AMBRA1: variants seen among roughly 807,000 people sequenced by gnomAD.
The protein encoded by AMBRA1 is activating molecule in BECN1-regulated autophagy protein 1.
Under a neutral mutation model 125.4 loss-of-function variants are expected in AMBRA1, and 47 were observed. That is an observed-to-expected ratio of 0.37 (90% confidence interval 0.30 to 0.48). The LOEUF (loss-of-function observed/expected upper bound fraction) is 0.48, where lower values mean the gene tolerates loss of function less well. Among genes scored for constraint, AMBRA1 ranks in the 20% least tolerant of loss-of-function variants. AMBRA1 has a pLI of 0.99. For synonymous variants in AMBRA1, 626 were observed against 655.5 expected, an observed-to-expected ratio of 0.95 and a Z score of 0.69; for missense variants, 1,331 against 1,693.4, an observed-to-expected ratio of 0.79 and a Z score of 3.76.
At chr11:46,495,560 C>G (rs1303413890) in intron 9 of AMBRA1, 1 of 152,056 alleles carries the variant, frequency 6.6e-6, no homozygotes, top group African/African-American at 2.4e-5. Flanking sequence ...TGAAATTGTG[C>G]AGATGAAAGG....
intron 9 of AMBRA1, among the ~76,000 whole-genome samples, chr11:46,505,643 T>G: frequency 7.7e-6 from 1 of 130,234 alleles, no homozygotes. Flanking sequence ...AAGAAGGAAA[T>G]GTAAATTCAG....
chr11:46,449,420 A>C (rs1948465100), intron 11 of AMBRA1, among the ~76,000 whole-genome samples: 1 of 152,184 alleles, frequency 6.6e-6, no homozygotes, highest in Non-Finnish European at 1.5e-5. Context: ...AAAATACACC[A>C]CCACTTACAT....
intron 11 of AMBRA1, among the ~76,000 whole-genome samples, chr11:46,447,692 A>G (rs954110557): frequency 6.6e-6 from 1 of 151,876 alleles, no homozygotes; most frequent in Non-Finnish European, 1.5e-5. Context: ...CCTGGGTTAC[A>G]GAGCCAGACC....
chr11:46,580,574 CCTT>C (rs2044134967), intron 1 of AMBRA1, among the ~76,000 whole-genome samples: 1 of 152,166 alleles, frequency 6.6e-6, no homozygotes, highest in African/African-American at 2.4e-5. Flanking sequence ...ATACTTGACA[CCTT>C]CTTCTTCCCA....
At chr11:46,495,752 T>C (rs919419393) in intron 9 of AMBRA1, among the ~76,000 whole-genome samples, 1 of 152,212 alleles carries the variant, frequency 6.6e-6, no homozygotes, top group African/African-American at 2.4e-5. Context: ...ATACTATTAT[T>C]TTTCAAATAT....
At chr11:46,590,264 C>A (rs1310211202) in intron 1 of AMBRA1, among the ~76,000 whole-genome samples, 1 of 151,666 alleles carries the variant, frequency 6.6e-6, no homozygotes, top group Non-Finnish European at 1.5e-5. Flanking sequence ...CACTTGAACC[C>A]AGGAGGCAGA....
intron 7 of AMBRA1, among the ~76,000 whole-genome samples, chr11:46,540,423 G>A (rs1952682396): frequency 1.3e-5 from 2 of 152,188 alleles, no homozygotes; most frequent in Admixed American, 6.5e-5. Context: ...TCGGGCTCCT[G>A]ATGAAGACCA....
chr11:46,470,449 C>T (rs916982830), intron 11 of AMBRA1, among the ~76,000 whole-genome samples: 1 of 151,796 alleles, frequency 6.6e-6, no homozygotes, highest in Non-Finnish European at 1.5e-5. Flanking sequence ...ATTAGCCGGG[C>T]GTGGTGGTGG....
chr11:46,432,600 G>A (rs1947506868), intron 14 of AMBRA1, among the ~76,000 whole-genome samples: 1 of 152,058 alleles, frequency 6.6e-6, no homozygotes, highest in Non-Finnish European at 1.5e-5. Flanking sequence ...ACTAAATGAG[G>A]GACCTGAGGG....
chr11:46,436,283 C>T (rs553648485), intron 12 of AMBRA1, among the ~76,000 whole-genome samples: 18 of 152,322 alleles, frequency 1.2e-4, no homozygotes, highest in African/African-American at 4.3e-4. Flanking sequence ...CTTATGTGAT[C>T]TGATACTTAA....
intron 17 of AMBRA1, among the ~76,000 whole-genome samples, chr11:46,398,846 T>G (rs898805151): frequency 1.3e-5 from 2 of 152,030 alleles, no homozygotes; most frequent in African/African-American, 4.8e-5. Flanking sequence ...TGATCTTGGC[T>G]CACTGCAACC....
chr11:46,438,761 A>G (rs551709672), intron 12 of AMBRA1, among the ~76,000 whole-genome samples: 1 of 152,328 alleles, frequency 6.6e-6, no homozygotes, highest in African/African-American at 2.4e-5. Flanking sequence ...CCATTCACCC[A>G]GTAAGAGTTC....
intron 14 of AMBRA1, among the ~76,000 whole-genome samples, chr11:46,427,585 T>C (rs1947208509): frequency 6.6e-6 from 1 of 152,214 alleles, no homozygotes; most frequent in Non-Finnish European, 1.5e-5. Context: ...AGTTTCTGAC[T>C]CAGCAGATCT....
At chr11:46,589,587 A>T (rs1313788832) in intron 1 of AMBRA1, among the ~76,000 whole-genome samples, 1 of 152,170 alleles carries the variant, frequency 6.6e-6, no homozygotes, top group East Asian at 1.9e-4. Context: ...TTATTCCTTT[A>T]AGAGTGAGAT....
intron 11 of AMBRA1, among the ~76,000 whole-genome samples, chr11:46,485,153 G>A (rs1950222146): frequency 6.6e-6 from 1 of 152,008 alleles, no homozygotes; most frequent in South Asian, 2.1e-4. Context: ...GGCCAGGCTG[G>A]TCTCGAACTC....
chr11:46,467,671 C>G (rs1949388203), intron 11 of AMBRA1, among the ~76,000 whole-genome samples: 1 of 151,752 alleles, frequency 6.6e-6, no homozygotes. Context: ...GCCTCAGCAT[C>G]CCGAGTAGCA....
In AMBRA1 at chr11:46,542,199, A is replaced by G; in HGVS notation, c.1818T>C (p.Phe606=). 3 of 1,613,872 alleles carry G rather than the reference A, an allele frequency of 1.9e-6. No homozygotes were observed. In the South Asian group the frequency reaches 3.3e-5, roughly 18 times the overall value. Residue 606 remains phenylalanine (F), a synonymous_variant, in exon 7 of 18, where the codon TTT becomes TTC. Coordinates refer to ENST00000683756, the MANE Select transcript of AMBRA1 (RefSeq NM_001387011.1). The surrounding 1 kb of genome is among the most constrained non-coding windows in gnomAD (Gnocchi z 5.9). ...GGCTGCCACTTGATGGCACACTCTCAAAGGAGCTGGGGACCTGCCAAGAGG... is the reference window on the plus strand; with the variant it reads ...GGCTGCCACTTGATGGCACACTCTCGAAGGAGCTGGGGACCTGCCAAGAGG... ...ASSSWQVPSS[F]ESVPSSGSQL... is the part of the protein sequence containing the mutation.
At chr11:46,591,941 AT>A (rs1167665024) in intron 1 of AMBRA1, among the ~76,000 whole-genome samples, 8,050 of 115,016 alleles carry the variant, frequency 0.07, 459 homozygotes, top group African/African-American at 0.26. Flanking sequence ...CTCAAGACTG[AT>A]TTTTTTTTTT....
At chr11:46,546,039 T>C (rs915357794) in intron 4 of AMBRA1, 4 of 239,834 alleles carry the variant, frequency 1.7e-5, no homozygotes, top group Non-Finnish European at 2.4e-5. Context: ...ATTTCTTTTT[T>C]TTTTTTTTTT....
Sources: gnomAD v4.1 joint callset for allele counts (sites outside exome capture counted in the v4.1 genomes callset) on GRCh38, gnomAD v4.1.1 for gene constraint, Gnocchi (gnomAD v3.1) non-coding constraint, MANE v1.5 for transcripts, NCBI Gene and HGNC (gene_info 2026-07-23, HGNC 2026-07-21) for gene names.